Variants in CFAP46 observed in about 807,000 individuals in gnomAD.
CFAP46 encodes the protein cilia and flagella associated protein 46.
CFAP46 carries 245 observed loss-of-function variants against 325.7 expected under a neutral mutation model. The observed-to-expected ratio is 0.75, with a 90% CI of 0.68 to 0.84. CFAP46 has a LOEUF of 0.84. Ranked by LOEUF, CFAP46 falls within the 40% of genes least tolerant of loss-of-function variation. The pLI, the probability that CFAP46 is intolerant of heterozygous loss-of-function variation, is 0.00. For synonymous variants in CFAP46, 1,523 were observed against 1,495.9 expected, an observed-to-expected ratio of 1.02 and a Z score of -0.42; for missense variants, 3,346 against 3,543.0, an observed-to-expected ratio of 0.94 and a Z score of 1.41.
chr10:132,828,023 C>T lies in CFAP46; in HGVS notation c.7117+5335G>A, dbSNP rs574864045. Among the ~76,000 whole-genome samples the T allele has an allele frequency of 6.6e-6, 1 of 152,168 alleles. No individual in the cohort carries two copies. Among genetic ancestry groups the T allele is most frequent in the South Asian group, 2.1e-4 (1 of 4,828 alleles). ...TACGCTGTCCCACGCACCAACAGCT[C>T]GCCCCTCATTGCCGGGCAGGACCCC... On this transcript the variant is annotated intron_variant, in intron 50 of 57. Transcript: ENST00000368586. This position sits in a 1 kb window ranked among gnomAD's most constrained non-coding sequence, Gnocchi z 4.9.
intron 50 of CFAP46, among the ~76,000 whole-genome samples, chr10:132,830,721 G>A (rs894907673): frequency 4.6e-5 from 7 of 152,104 alleles, no homozygotes; most frequent in Admixed American, 2.6e-4. Flanking sequence ...CTGACTAGAG[G>A]TGTATTAATT....
chr10:132,898,995 G>A lies in CFAP46; in HGVS notation c.3183C>T (p.Leu1061=), dbSNP rs773551188. 3 of 1,550,468 alleles carry A rather than the reference G, an allele frequency of 1.9e-6. No individual in the cohort carries two copies. Among genetic ancestry groups the A allele is most frequent in the East Asian group, 2.4e-5 (1 of 40,922 alleles). Residue 1061 remains leucine, a synonymous_variant, in exon 24 of 58, where the codon CTC becomes CTT. Coordinates refer to ENST00000368586, the MANE Select transcript of CFAP46 (RefSeq NM_001200049.3). The part of the protein sequence containing the change: ...RKKAKGALKR[L]IGIINKTEAR... ...CCTCTGTCTTGTTGATGATGCCGAT[G>A]AGCCTCTTCAGGGCACCCTTGGCCT... is the stretch of plus-strand genomic sequence containing the variant.
intron 8 of CFAP46, 62 bp downstream of exon 8, chr10:132,934,690 T>A (rs1849964462): frequency 8.8e-7 from 1 of 1,133,734 alleles, no homozygotes; most frequent in African/African-American, 1.6e-5. Context: ...CATTTTTCAG[T>A]GCCTGCTAAA....
intron 33 of CFAP46, among the ~76,000 whole-genome samples, chr10:132,868,470 C>T (rs1165774904): frequency 6.6e-6 from 1 of 152,228 alleles, no homozygotes; most frequent in African/African-American, 2.4e-5. Flanking sequence ...ACTCACGGTG[C>T]ACAGATAACT....
Position 132,919,315 on chromosome 10 carries a change from C to CTCGCCGCAGCCTCAACT in CFAP46, c.1841_1857dup (p.Gly620SerfsTer2). 1.3e-6 allele frequency: 2 copies of CTCGCCGCAGCCTCAACT among 1,549,528 alleles called. No homozygotes were observed. The highest frequency in any genetic ancestry group is 1.7e-6 in the Non-Finnish European group (2 of 1,146,534). On this transcript the variant is annotated stop_gained and frameshift_variant and splice_region_variant, in exon 15 of 58. Transcript: ENST00000368586. LOFTEE classifies it high-confidence loss of function. The surrounding 1 kb of genome is among the most constrained non-coding windows in gnomAD (Gnocchi z 9.7). Reference sequence around the variant, plus strand: ...CACACTCGTGAGGGCGGGTACGAACCTCGCCGCAGCCTCAACTTCTTCACC... The same window carrying CTCGCCGCAGCCTCAACT: ...CACACTCGTGAGGGCGGGTACGAACCTCGCCGCAGCCTCAACTTCGCCGCAGCCTCAACTTCTTCACC...
At chr10:132,878,488 GC>G (rs1028412266) in intron 29 of CFAP46, among the ~76,000 whole-genome samples, 3 of 152,146 alleles carry the variant, frequency 2.0e-5, no homozygotes, top group African/African-American at 7.2e-5. Flanking sequence ...GGCCCTGCGG[GC>G]CCCTCGCGGC....
rs895213543 is a variant in CFAP46, at chr10:132,885,278, A to C, written c.3452T>G (p.Phe1151Cys). ...LPRTAHRLLI[F>C]KHMVIVKAKL... ...GGCCTTCACGATGACCATGTGCTTGAAGATCAAGCTAAAGAAAGGGAAGGT... is the reference window on the plus strand; with the variant it reads ...GGCCTTCACGATGACCATGTGCTTGCAGATCAAGCTAAAGAAAGGGAAGGT... The change falls in exon 27 of 58, where the codon TTC (phenylalanine) becomes TGC (cysteine). Residue 1151 changes from phenylalanine to cysteine, a missense_variant. Phe to Cys is a radical substitution (Grantham distance 205, BLOSUM62 -2). Transcript: ENST00000368586. The C allele has an allele frequency of 7.8e-6, 12 of 1,545,916 alleles. No homozygotes were observed. The highest frequency in any genetic ancestry group is 1.0e-5 in the Non-Finnish European group (12 of 1,144,008).
intron 22 of CFAP46, among the ~76,000 whole-genome samples, chr10:132,902,576 T>C (rs1366831746): frequency 1.3e-5 from 2 of 152,268 alleles, no homozygotes; most frequent in Non-Finnish European, 2.9e-5. Context: ...AGTAGCTGTT[T>C]TCAACTCCTC....
chr10:132,871,114 G>A, intron 32 of CFAP46, among the ~76,000 whole-genome samples: 1 of 152,124 alleles, frequency 6.6e-6, no homozygotes, highest in Non-Finnish European at 1.5e-5. Context: ...ACAAAGCCTG[G>A]TGACAGCACA....
Position 132,822,640 on chromosome 10 carries a change from C to G in CFAP46, c.7118-7726G>C, listed in dbSNP as rs375475935. ...TTGTGTGAGTGCTGATGTGTGCTGT[C>G]TGTGCGCTGATGTGTGCTGTGTGTG... On this transcript the variant is annotated intron_variant, in intron 50 of 57. Coordinates refer to ENST00000368586, the MANE Select transcript of CFAP46 (RefSeq NM_001200049.3). 3.0e-3 allele frequency among the ~76,000 whole-genome samples: 267 copies of G among 90,076 alleles called. 1 individual carries two copies. The highest frequency in any genetic ancestry group is 0.015 in the South Asian group (33 of 2,218). 59.1% of individuals were successfully genotyped at this position (90,076 alleles called of 152,430 possible). A position where few individuals can be genotyped will look rare whatever the true frequency, so the allele number is the denominator to read the frequency against.
At chr10:132,856,735 T>C (rs1848647684) in intron 39 of CFAP46, among the ~76,000 whole-genome samples, 1 of 152,250 alleles carries the variant, frequency 6.6e-6, no homozygotes. Context: ...AATTATAATA[T>C]CTGTGCCCAT....
intron 50 of CFAP46, among the ~76,000 whole-genome samples, chr10:132,821,528 ATGT>A (rs1847828417): frequency 3.8e-5 from 3 of 78,734 alleles, no homozygotes; most frequent in African/African-American, 5.5e-5. Context: ...CTGTGTGCTG[ATGT>A]GTGCTGATGT....
chr10:132,894,867 T>C (rs1439189825), intron 24 of CFAP46, among the ~76,000 whole-genome samples: 1 of 152,186 alleles, frequency 6.6e-6, no homozygotes, highest in Non-Finnish European at 1.5e-5. Context: ...CATCAGTGAC[T>C]CCCATCAAAC....
intron 41 of CFAP46, among the ~76,000 whole-genome samples, chr10:132,848,490 GAA>G (rs1848478802): frequency 6.7e-6 from 1 of 150,100 alleles, no homozygotes; most frequent in Non-Finnish European, 1.5e-5. Context: ...GGCTGCCAGG[GAA>G]AGTTTCCTCC....
In CFAP46 at chr10:132,880,964, G is replaced by A. The variant is rs1849034171; in HGVS notation, c.3696C>T (p.His1232=). The A allele has an allele frequency of 1.3e-6, 2 of 1,550,440 alleles. No individual in the cohort carries two copies. Among genetic ancestry groups the A allele is most frequent in the Non-Finnish European group, 1.7e-6 (2 of 1,147,000 alleles). Reference sequence around the variant, plus strand: ...GGAAGACCACGTCCTCGAGAGGAAAGTGTCTGTGATGGAGCCACTGGCCGA... The same window carrying A: ...GGAAGACCACGTCCTCGAGAGGAAAATGTCTGTGATGGAGCCACTGGCCGA... ...MEFGQWLHHR[H]FPLEDVVFHL... Residue 1232 remains histidine (H), a synonymous_variant, in exon 28 of 58, where the codon CAC becomes CAT. Transcript: ENST00000368586.
chr10:132,850,111 C>T (rs779471801), intron 41 of CFAP46, 133 bp downstream of exon 41: 94 of 913,244 alleles, frequency 1.0e-4, no homozygotes, highest in Non-Finnish European at 1.5e-4. Context: ...TCCCTCACGC[C>T]TACTTCCTAC....
intron 33 of CFAP46, 101 bp from the exon 34 acceptor site, chr10:132,867,608 A>G: frequency 8.6e-6 from 12 of 1,398,518 alleles, no homozygotes; most frequent in Non-Finnish European, 1.1e-5. Context: ...CCACAATTAC[A>G]TTCTTCACGC....
rs1847575225 is a variant in CFAP46, at chr10:132,811,181, G to GT, written c.7502-151dup. ...CGGGCTCCGACCTCATGACCGTCAGGTTTTTTCCAGGGACCCCCTGGCCAC... is the reference window on the plus strand; with the variant it reads ...CGGGCTCCGACCTCATGACCGTCAGGTTTTTTTCCAGGGACCCCCTGGCCAC... On this transcript the variant is annotated intron_variant, in intron 55 of 57. Transcript: ENST00000368586. 7 of 694,716 alleles carry GT rather than the reference G, an allele frequency of 1.0e-5. No individual in the cohort carries two copies. The South Asian group carries it at 1.3e-4, about 12-fold the overall frequency. The allele number at this position is 694,716 out of a possible 1,614,324, so 43.0% of individuals were successfully genotyped here. A position where few individuals can be genotyped will look rare whatever the true frequency, so the allele number is the denominator to read the frequency against.
intron 44 of CFAP46, among the ~76,000 whole-genome samples, chr10:132,841,824 G>A (rs2067995433): frequency 6.6e-6 from 1 of 152,180 alleles, no homozygotes; most frequent in African/African-American, 2.4e-5. Context: ...TCCCCAGCAG[G>A]CCCTGGGCAG....
Sources: allele counts gnomAD v4.1 joint callset (sites outside exome capture counted in the v4.1 genomes callset), GRCh38; gene constraint gnomAD v4.1.1; non-coding constraint Gnocchi (gnomAD v3.1); transcripts MANE v1.5; gene names NCBI Gene and HGNC (gene_info 2026-07-23, HGNC 2026-07-21).